LRRFIP2: variants seen among roughly 807,000 people sequenced by gnomAD.
The protein encoded by LRRFIP2 is LRR binding FLII interacting protein 2, also known as leucine-rich repeat flightless-interacting protein 2.
LRRFIP2 carries 109 observed loss-of-function variants against 125.9 expected under a neutral mutation model. The ratio of observed to expected loss-of-function variants is 0.87; its 90% CI spans 0.74 to 1.01. The LOEUF is 1.01. Among genes scored for constraint, LRRFIP2 ranks in the 50% least tolerant of loss-of-function variants. The pLI, the probability that LRRFIP2 is intolerant of heterozygous loss-of-function variation, is 0.00. For synonymous variants in LRRFIP2, 291 were observed against 293.1 expected (o/e 0.99, Z 0.07); for missense variants, 850 against 862.3 (o/e 0.99, Z 0.18).
intron 2 of LRRFIP2, among the ~76,000 whole-genome samples, chr3:37,137,644 G>A (rs1047096598): frequency 1.3e-5 from 2 of 151,992 alleles, no homozygotes; most frequent in Non-Finnish European, 2.9e-5. Context: ...TCCTTTTACT[G>A]TACACAGCCT....
intron 22 of LRRFIP2, 101 bp downstream of exon 22, chr3:37,066,123 C>A (rs1239215497): frequency 7.5e-7 from 1 of 1,329,718 alleles, no homozygotes; most frequent in East Asian, 2.3e-5. Context: ...AGAATAAACA[C>A]TGTAGTTTGT....
chr3:37,150,176 T>C (rs2095979561), intron 1 of LRRFIP2, among the ~76,000 whole-genome samples: 1 of 151,558 alleles, frequency 6.6e-6, no homozygotes. Context: ...TGATTAAGAA[T>C]ATATCGCCAG....
At chr3:37,159,982 C>A in intron 1 of LRRFIP2, among the ~76,000 whole-genome samples, 1 of 113,568 alleles carries the variant, frequency 8.8e-6, no homozygotes, top group African/African-American at 3.6e-5. Context: ...TGAGTAAGCC[C>A]TATGCGCAAA....
At chr3:37,059,195 AT>A (rs1041773497) in intron 24 of LRRFIP2, among the ~76,000 whole-genome samples, 4 of 152,042 alleles carry the variant, frequency 2.6e-5, no homozygotes, top group African/African-American at 9.7e-5. Flanking sequence ...TCTTTGGGGT[AT>A]TTTTTGTTAC....
At chr3:37,098,106 AT>A (rs5847949) in intron 15 of LRRFIP2, among the ~76,000 whole-genome samples, 53,305 of 152,042 alleles carry the variant, frequency 0.35, 10,512 homozygotes, top group Non-Finnish European at 0.45. Flanking sequence ...GTTTATAAAT[AT>A]TCTTTATTAT....
At chr3:37,154,824 C>T (rs962549387) in intron 1 of LRRFIP2, among the ~76,000 whole-genome samples, 2 of 152,204 alleles carry the variant, frequency 1.3e-5, no homozygotes, top group Non-Finnish European at 2.9e-5. Context: ...CAGTATGTCA[C>T]ATTCTAAATA....
At chr3:37,082,723 A>T (rs375999178) in intron 19 of LRRFIP2, among the ~76,000 whole-genome samples, 2 of 152,116 alleles carry the variant, frequency 1.3e-5, no homozygotes, top group Non-Finnish European at 2.9e-5. Flanking sequence ...CCTGGCAAAC[A>T]CTTTCTAACA....
chr3:37,108,524 AC>A (rs1278866580), intron 12 of LRRFIP2, 112 bp downstream of exon 12: 1 of 825,958 alleles, frequency 1.2e-6, no homozygotes, highest in Admixed American at 2.5e-5. Context: ...AGATTAAATG[AC>A]TTTTTCTTTG....
intron 12 of LRRFIP2, 92 bp from the exon 13 acceptor site, chr3:37,108,221 C>A: frequency 1.0e-6 from 1 of 1,000,886 alleles, no homozygotes; most frequent in South Asian, 1.4e-5. Context: ...TAACTTGCCC[C>A]TGGTTCTCAA....
chr3:37,140,903 G>A (rs562974466), intron 2 of LRRFIP2, among the ~76,000 whole-genome samples: 1 of 151,948 alleles, frequency 6.6e-6, no homozygotes, highest in Admixed American at 6.5e-5. Context: ...CTTCTATCCA[G>A]ACCTTCCTCT....
intron 19 of LRRFIP2, among the ~76,000 whole-genome samples, chr3:37,077,077 T>C (rs972275047): frequency 2.6e-5 from 4 of 152,030 alleles, no homozygotes; most frequent in Admixed American, 1.3e-4. Context: ...GGGAAAGAAA[T>C]AGGCCCTCAT....
chr3:37,094,718 A>G (rs1462014965), intron 17 of LRRFIP2, 74 bp downstream of exon 17: 2 of 882,698 alleles, frequency 2.3e-6, no homozygotes, highest in Non-Finnish European at 3.8e-6. Flanking sequence ...AAGTCACATT[A>G]AAGGTTAAAA....
At chr3:37,073,153 G>C (rs557920619) in intron 20 of LRRFIP2, among the ~76,000 whole-genome samples, 12 of 152,216 alleles carry the variant, frequency 7.9e-5, no homozygotes, top group Non-Finnish European at 1.3e-4. Flanking sequence ...AAGCCAGCTA[G>C]AATTTCTGTG....
At chr3:37,147,772 C>T (rs187962449) in intron 2 of LRRFIP2, among the ~76,000 whole-genome samples, 214 of 152,306 alleles carry the variant, frequency 1.4e-3, no homozygotes, top group Non-Finnish European at 1.6e-3. Flanking sequence ...AGTTTGTGGT[C>T]AGTCTGCAGT....
intron 2 of LRRFIP2, among the ~76,000 whole-genome samples, chr3:37,139,076 A>C (rs1242909819): frequency 6.6e-6 from 1 of 152,236 alleles, no homozygotes; most frequent in African/African-American, 2.4e-5. Context: ...CACTAGACAA[A>C]GGGATGATTT....
intron 2 of LRRFIP2, among the ~76,000 whole-genome samples, chr3:37,139,258 T>C (rs2095632027): frequency 6.6e-6 from 1 of 152,174 alleles, no homozygotes; most frequent in Non-Finnish European, 1.5e-5. Context: ...AAGGAGAGGC[T>C]CTGCACAATG....
At chr3:37,057,081 C>CTT (rs2087104853) in intron 25 of LRRFIP2, among the ~76,000 whole-genome samples, 1 of 152,262 alleles carries the variant, frequency 6.6e-6, no homozygotes, top group Admixed American at 6.5e-5. Context: ...AAGCTGCTTG[C>CTT]TTTTGTCTTT....
Position 37,066,330 on chromosome 3 carries a change from T to C in LRRFIP2, c.1465-5A>G, listed in dbSNP as rs370101133. The C allele has an allele frequency of 8.1e-6, 13 of 1,611,112 alleles. No homozygotes were observed. Among genetic ancestry groups the C allele is most frequent in the Non-Finnish European group, 1.1e-5 (13 of 1,177,448 alleles). Reference sequence around the variant, plus strand: ...TTCTTTCTGTTTCTCTAGGGCCTGGTTTTAGGTAAGGTAGCAAGGGAAACA... The same window carrying C: ...TTCTTTCTGTTTCTCTAGGGCCTGGCTTTAGGTAAGGTAGCAAGGGAAACA... On this transcript the variant is annotated splice_polypyrimidine_tract_variant and splice_region_variant and intron_variant, in intron 21 of 27. Coordinates refer to ENST00000336686, the MANE Select transcript of LRRFIP2 (RefSeq NM_006309.4).
At chr3:37,062,948 A>T (rs2089186032) in intron 24 of LRRFIP2, among the ~76,000 whole-genome samples, 1 of 152,214 alleles carries the variant, frequency 6.6e-6, no homozygotes, top group Non-Finnish European at 1.5e-5. Context: ...ATGAAGGGTG[A>T]CCACATCTAT....
Sources: gnomAD v4.1 joint callset for allele counts (sites outside exome capture counted in the v4.1 genomes callset) on GRCh38, gnomAD v4.1.1 for gene constraint, MANE v1.5 for transcripts, NCBI Gene and HGNC (gene_info 2026-07-23, HGNC 2026-07-21) for gene names.